The following FSHR variants were observed in gnomAD, a reference collection of about 807,000 sequenced individuals.
FSHR encodes follicle-stimulating hormone receptor.
A neutral mutation model predicts 52.1 loss-of-function variants in FSHR; 46 were observed. That is an observed-to-expected ratio of 0.88 (90% CI 0.70 to 1.13). The LOEUF (loss-of-function observed/expected upper bound fraction) is 1.13. Among genes scored for constraint, FSHR ranks in the 50% most tolerant of loss-of-function variants. FSHR has a pLI of 0.00. For missense variants in FSHR, 964 were observed against 834.6 expected, an observed-to-expected ratio of 1.16 and a Z score of -1.91; for synonymous variants, 399 against 309.6, an observed-to-expected ratio of 1.29 and a Z score of -3.03.
chr2:48,973,266 A>ACACACG (rs146365090), intron 8 of FSHR, among the ~76,000 whole-genome samples: 1 of 151,016 alleles, frequency 6.6e-6, no homozygotes, highest in Non-Finnish European at 1.5e-5. Context: ...ACACACACAC[A>ACACACG]CACATGCACA....
chr2:49,098,502 A>G (rs868841690), intron 1 of FSHR, among the ~76,000 whole-genome samples: 1 of 151,862 alleles, frequency 6.6e-6, no homozygotes, highest in African/African-American at 2.4e-5. Flanking sequence ...AAGACATTTA[A>G]AGTTAAGGGA....
intron 8 of FSHR, among the ~76,000 whole-genome samples, chr2:48,981,057 T>C (rs1387012341): frequency 6.6e-6 from 1 of 152,160 alleles, no homozygotes; most frequent in Non-Finnish European, 1.5e-5. Context: ...ATCAAAGACA[T>C]CAAAAGTACT....
At chr2:49,151,023 T>A (rs1673041447) in intron 1 of FSHR, among the ~76,000 whole-genome samples, 1 of 152,126 alleles carries the variant, frequency 6.6e-6, no homozygotes, top group African/African-American at 2.4e-5. Context: ...CATGTCCATG[T>A]TCATTAATTT....
chr2:49,046,429 C>G (rs552073947), intron 2 of FSHR, among the ~76,000 whole-genome samples: 1 of 152,294 alleles, frequency 6.6e-6, no homozygotes, highest in East Asian at 1.9e-4. Flanking sequence ...CATCACTTAT[C>G]AACTGTGTGC....
intron 1 of FSHR, among the ~76,000 whole-genome samples, chr2:49,085,678 G>A (rs1387582048): frequency 3.9e-5 from 6 of 152,068 alleles, no homozygotes; most frequent in Admixed American, 3.3e-4. Context: ...TGTTTATTGG[G>A]GCACTATTCA....
At chr2:49,030,271 AGTGTGTGTGTGTGTGTGTGTGTGTGT>A (rs141079184) in intron 2 of FSHR, among the ~76,000 whole-genome samples, 20,295 of 140,458 alleles carry the variant, frequency 0.14, 1,371 homozygotes, top group Middle Eastern at 0.21. Flanking sequence ...AGGAATAGCA[AGTGTGTGTGTGTGTGTGTGTGTGTGT>A]GTGTGTGTGT....
At chr2:49,134,167 C>T (rs1217098856) in intron 1 of FSHR, among the ~76,000 whole-genome samples, 3 of 152,148 alleles carry the variant, frequency 2.0e-5, no homozygotes, top group African/African-American at 7.2e-5. Context: ...ACAATCTACC[C>T]ATCTGATAAA....
At chr2:49,108,532 TG>T (rs1671316150) in intron 1 of FSHR, among the ~76,000 whole-genome samples, 1 of 152,186 alleles carries the variant, frequency 6.6e-6, no homozygotes, top group Non-Finnish European at 1.5e-5. Flanking sequence ...CCTTTGGATC[TG>T]GCTGCAAACT....
At chr2:49,048,190 T>C (rs1668728029) in intron 2 of FSHR, among the ~76,000 whole-genome samples, 2 of 152,032 alleles carry the variant, frequency 1.3e-5, no homozygotes, top group Non-Finnish European at 2.9e-5. Context: ...CCAGCCTGTA[T>C]AGCTTAAATT....
At chr2:49,124,915 C>A (rs189695074) in intron 1 of FSHR, among the ~76,000 whole-genome samples, 1 of 152,312 alleles carries the variant, frequency 6.6e-6, no homozygotes, top group East Asian at 1.9e-4. Context: ...GCAACCTTCT[C>A]TGTTACTCTC....
At chr2:49,063,134 A>T (rs979029013) in intron 2 of FSHR, among the ~76,000 whole-genome samples, 12 of 152,150 alleles carry the variant, frequency 7.9e-5, no homozygotes, top group African/African-American at 2.9e-4. Flanking sequence ...AGGTGGTACC[A>T]AGAGCTTTCA....
chr2:49,117,498 C>T (rs1671646511), intron 1 of FSHR, among the ~76,000 whole-genome samples: 1 of 152,198 alleles, frequency 6.6e-6, no homozygotes, highest in South Asian at 2.1e-4. Context: ...CAATCTGACT[C>T]ATAAAAATTA....
intron 1 of FSHR, among the ~76,000 whole-genome samples, chr2:49,127,985 C>G (rs1195169998): frequency 6.7e-6 from 1 of 149,630 alleles, no homozygotes; most frequent in Non-Finnish European, 1.5e-5. Context: ...CTCTGCTTCC[C>G]AGGTTCAAGC....
chr2:49,024,714 A>C (rs1667861904), intron 2 of FSHR, among the ~76,000 whole-genome samples: 1 of 152,164 alleles, frequency 6.6e-6, no homozygotes, highest in Non-Finnish European at 1.5e-5. Context: ...CTCTTCACAG[A>C]GCATTTTTCT....
chr2:49,005,489 AT>A (rs1262812746), intron 4 of FSHR, among the ~76,000 whole-genome samples: 2 of 152,100 alleles, frequency 1.3e-5, no homozygotes, highest in East Asian at 3.9e-4. Flanking sequence ...ATGGCTAATA[AT>A]TTCTTCACTA....
intron 9 of FSHR, 129 bp from the exon 10 acceptor site, chr2:48,964,095 C>T: frequency 2.4e-6 from 2 of 819,728 alleles, no homozygotes; most frequent in South Asian, 1.7e-5. Context: ...TCACATCATA[C>T]CTGCCCTTGA....
At chr2:49,079,219 G>GA (rs915920106) in intron 1 of FSHR, among the ~76,000 whole-genome samples, 3 of 151,508 alleles carry the variant, frequency 2.0e-5, no homozygotes, top group African/African-American at 4.8e-5. Flanking sequence ...ATACTTAATT[G>GA]AAAAAAAATA....
At chr2:49,004,298 G>A (rs1359357303) in intron 4 of FSHR, among the ~76,000 whole-genome samples, 1 of 152,204 alleles carries the variant, frequency 6.6e-6, no homozygotes, top group Non-Finnish European at 1.5e-5. Context: ...CTGCACTTTA[G>A]CTGTGCTTAA....
intron 2 of FSHR, among the ~76,000 whole-genome samples, chr2:49,061,630 A>G (rs1022713791): frequency 6.9e-6 from 1 of 144,184 alleles, no homozygotes; most frequent in Non-Finnish European, 1.5e-5. Context: ...AAAAATACAT[A>G]TATCTATAAT....
Sources: allele counts gnomAD v4.1 joint callset (sites outside exome capture counted in the v4.1 genomes callset), GRCh38; gene constraint gnomAD v4.1.1; transcripts MANE v1.5; gene names NCBI Gene and HGNC (gene_info 2026-07-23, HGNC 2026-07-21).